Variants in GLDC observed in about 807,000 individuals in gnomAD.
The protein encoded by GLDC is glycine dehydrogenase (decarboxylating), mitochondrial.
In GLDC, 104 loss-of-function variants were observed where a neutral mutation model predicts 121.3. The observed-to-expected ratio is 0.86, with a 90% CI of 0.73 to 1.01. The LOEUF (loss-of-function observed/expected upper bound fraction) is 1.01, where lower values mean the gene tolerates loss of function less well. GLDC is among the 50% of genes least tolerant of loss of function. GLDC has a pLI of 0.00. For synonymous variants in GLDC, 546 were observed against 480.6 expected (o/e 1.14, Z -1.78); for missense variants, 1,429 against 1,306.6 (o/e 1.09, Z -1.44).
At chr9:6,545,050 G>A (rs1376441393) in intron 21 of GLDC, among the ~76,000 whole-genome samples, 1 of 151,596 alleles carries the variant, frequency 6.6e-6, no homozygotes, top group Non-Finnish European at 1.5e-5. Context: ...GGTGAGCTGA[G>A]ATTGCGCCAT....
At chr9:6,594,132 T>C (rs747750480) in intron 9 of GLDC, among the ~76,000 whole-genome samples, 6 of 152,182 alleles carry the variant, frequency 3.9e-5, no homozygotes, top group Non-Finnish European at 8.8e-5. Context: ...GCTCACTACA[T>C]AGCAGCATTC....
intron 20 of GLDC, 146 bp downstream of exon 20, chr9:6,553,222 A>AC: frequency 1.4e-6 from 1 of 724,088 alleles, no homozygotes; most frequent in Non-Finnish European, 2.4e-6. Flanking sequence ...GGTTTCTTCC[A>AC]CCCAGGCCAT....
chr9:6,605,181 C>T lies in GLDC; in HGVS notation c.811G>A (p.Gly271Arg), dbSNP rs1554648113. 1 of 1,613,696 alleles carries T rather than the reference C, an allele frequency of 6.2e-7. No homozygotes were observed. The highest frequency in any genetic ancestry group is 2.2e-5 in the East Asian group (1 of 44,880). The change falls in exon 6 of 25, where the codon GGG (glycine) becomes AGG (arginine). Residue 271 changes from glycine (G) to arginine (R), a missense_variant. Coordinates refer to ENST00000321612, the MANE Select transcript of GLDC (RefSeq NM_000170.3). ...AGTTCCGTAAAGTCTTCCACCTTCC[C>T]CTCCGTGTCTGGGTACTGGAACAAC... ...GVLFQYPDTE[G>R]KVEDFTELVE...
At chr9:6,556,422 G>T in intron 17 of GLDC, 120 bp from the exon 18 acceptor site, 1 of 822,728 alleles carries the variant, frequency 1.2e-6, no homozygotes. Flanking sequence ...TACTTTCCTG[G>T]AACTGTCTCA....
At chr9:6,570,465 C>T (rs868337717) in intron 15 of GLDC, among the ~76,000 whole-genome samples, 12 of 152,154 alleles carry the variant, frequency 7.9e-5, no homozygotes, top group Admixed American at 3.3e-4. Context: ...AGTTTGTGCA[C>T]GGATGGCCAC....
intron 2 of GLDC, among the ~76,000 whole-genome samples, chr9:6,628,597 C>G (rs1469423639): frequency 2.0e-5 from 3 of 152,148 alleles, no homozygotes; most frequent in Non-Finnish European, 4.4e-5. Flanking sequence ...TCGAGCCTGA[C>G]CAACATAGTG....
At chr9:6,598,076 T>C (rs1445523948) in intron 8 of GLDC, among the ~76,000 whole-genome samples, 2 of 152,362 alleles carry the variant, frequency 1.3e-5, no homozygotes, top group Non-Finnish European at 2.9e-5. Flanking sequence ...TCACCCAGGT[T>C]GGAGTGCAGT....
At chr9:6,586,520 T>A (rs897853836) in intron 15 of GLDC, among the ~76,000 whole-genome samples, 1 of 152,168 alleles carries the variant, frequency 6.6e-6, no homozygotes, top group Non-Finnish European at 1.5e-5. Flanking sequence ...TCAAAGTTAG[T>A]GACATTACCA....
At chr9:6,573,256 T>C (rs374898905) in intron 15 of GLDC, among the ~76,000 whole-genome samples, 52 of 148,884 alleles carry the variant, frequency 3.5e-4, no homozygotes, top group African/African-American at 1.3e-3. Flanking sequence ...AGGTCAGGAG[T>C]TCAAGATCAG....
chr9:6,598,009 T>G (rs886684949), intron 8 of GLDC, among the ~76,000 whole-genome samples: 15 of 152,112 alleles, frequency 9.9e-5, no homozygotes, highest in Non-Finnish European at 1.5e-4. Context: ...TGCCACAAAT[T>G]TATAGAAAAA....
At chr9:6,608,819 G>C (rs7036856) in intron 4 of GLDC, among the ~76,000 whole-genome samples, 1 of 151,994 alleles carries the variant, frequency 6.6e-6, no homozygotes, top group Non-Finnish European at 1.5e-5. Context: ...TAAAAAAAGA[G>C]GGAAGATGAA....
intron 13 of GLDC, 43 bp from the exon 14 acceptor site, chr9:6,588,485 T>C (rs369235862): frequency 1.2e-5 from 18 of 1,548,420 alleles, no homozygotes; most frequent in Non-Finnish European, 1.5e-5. Flanking sequence ...AGTGATTTTC[T>C]ATAGTCCATC....
Position 6,595,057 on chromosome 9 carries a change from A to G in GLDC, c.1218T>C (p.His406=), listed in dbSNP as rs2129861696. Residue 406 remains histidine (H), a synonymous_variant, in exon 9 of 25, where the codon CAT becomes CAC. Transcript: ENST00000321612. ...TGGCATTATGTACCCTCCTAGCAAT[A>G]TGCTCCAGCCCATGGGAACCATGGT... is the stretch of plus-strand genomic sequence containing the variant. ...AIYHGSHGLE[H]IARRVHNATL... is the part of the protein sequence containing the mutation. The G allele has an allele frequency of 1.2e-6, 2 of 1,613,204 alleles. No homozygotes were observed. The highest frequency in any genetic ancestry group is 1.7e-6 in the Non-Finnish European group (2 of 1,179,152).
At chr9:6,586,009 T>C (rs1165125927) in intron 15 of GLDC, among the ~76,000 whole-genome samples, 2 of 152,000 alleles carry the variant, frequency 1.3e-5, no homozygotes, top group South Asian at 2.1e-4. Flanking sequence ...AAAATAAAGA[T>C]TCTAGGCCAG....
intron 5 of GLDC, chr9:6,605,825 G>A (rs955574651): frequency 5.0e-6 from 1 of 200,558 alleles, no homozygotes; most frequent in African/African-American, 2.3e-5. Flanking sequence ...CCTGATTACA[G>A]CACGAAAGAA....
At chr9:6,561,427 T>A (rs1817757324) in intron 16 of GLDC, among the ~76,000 whole-genome samples, 1 of 152,176 alleles carries the variant, frequency 6.6e-6, no homozygotes, top group Non-Finnish European at 1.5e-5. Context: ...GGCAGGCGGT[T>A]CACTTGAGGC....
chr9:6,537,182 C>T (rs1817145916), intron 22 of GLDC, among the ~76,000 whole-genome samples: 1 of 152,074 alleles, frequency 6.6e-6, no homozygotes, highest in Non-Finnish European at 1.5e-5. Context: ...AGGTGCACGC[C>T]ACCATGCCCA....
intron 21 of GLDC, among the ~76,000 whole-genome samples, chr9:6,546,029 G>C (rs1391597710): frequency 6.6e-6 from 1 of 152,136 alleles, no homozygotes; most frequent in Non-Finnish European, 1.5e-5. Context: ...ACATTGTACA[G>C]CTGTACAAAA....
intron 11 of GLDC, among the ~76,000 whole-genome samples, chr9:6,591,663 C>T (rs1031336572): frequency 6.6e-6 from 1 of 152,170 alleles, no homozygotes; most frequent in African/African-American, 2.4e-5. Context: ...CAGCTCACTG[C>T]AACCGCCGCC....
Sources: allele counts gnomAD v4.1 joint callset (sites outside exome capture counted in the v4.1 genomes callset), GRCh38; gene constraint gnomAD v4.1.1; transcripts MANE v1.5; gene names NCBI Gene and HGNC (gene_info 2026-07-23, HGNC 2026-07-21).